NUBPL: variants seen among roughly 807,000 people sequenced by gnomAD.
The protein encoded by NUBPL is NUBP iron-sulfur cluster assembly factor, mitochondrial.
Under a neutral mutation model 45.7 loss-of-function variants are expected in NUBPL, and 31 were observed. The observed-to-expected ratio is 0.68, with a 90% CI of 0.51 to 0.92. NUBPL has a LOEUF of 0.92. Among genes scored for constraint, NUBPL ranks in the 40% least tolerant of loss-of-function variants. NUBPL has a pLI of 0.00. For missense variants in NUBPL, 401 were observed against 398.7 expected (o/e 1.01, Z -0.05); for synonymous variants, 144 against 140.9 (o/e 1.02, Z -0.15).
intron 3 of NUBPL, among the ~76,000 whole-genome samples, chr14:31,597,962 A>G (rs901203422): frequency 6.6e-6 from 1 of 152,024 alleles, no homozygotes; most frequent in Admixed American, 6.6e-5. Flanking sequence ...AAAATAGTTA[A>G]ATTGGTCAAA....
chr14:31,752,780 T>TA (rs2038560893), intron 6 of NUBPL, among the ~76,000 whole-genome samples: 2 of 152,206 alleles, frequency 1.3e-5, no homozygotes, highest in Admixed American at 6.5e-5. Flanking sequence ...TTCATACTGC[T>TA]AAAAAGAACT....
intron 3 of NUBPL, among the ~76,000 whole-genome samples, chr14:31,593,489 G>T (rs1485741525): frequency 6.9e-6 from 1 of 144,772 alleles, no homozygotes; most frequent in Non-Finnish European, 1.5e-5. Flanking sequence ...ACTCCAGCCT[G>T]GGCGACAGAG....
At chr14:31,728,043 C>T (rs1302555198) in intron 6 of NUBPL, among the ~76,000 whole-genome samples, 4 of 152,054 alleles carry the variant, frequency 2.6e-5, no homozygotes, top group Non-Finnish European at 5.9e-5. Flanking sequence ...GAGTTTCTGA[C>T]TTGTCTGTTT....
intron 4 of NUBPL, among the ~76,000 whole-genome samples, chr14:31,625,598 C>T (rs189892480): frequency 6.6e-6 from 1 of 151,696 alleles, no homozygotes; most frequent in Non-Finnish European, 1.5e-5. Context: ...GCCTCAGCCT[C>T]CTGAGTAGCT....
intron 3 of NUBPL, among the ~76,000 whole-genome samples, chr14:31,583,544 G>T (rs1482091511): frequency 1.3e-5 from 2 of 152,196 alleles, no homozygotes; most frequent in Non-Finnish European, 2.9e-5. Context: ...TGAGGATTGA[G>T]AGAAGACTTC....
Position 31,774,241 on chromosome 14 carries a change from A to G in NUBPL, c.514-13539A>G, listed in dbSNP as rs146447257. ...AATAGAATGGCTGGGATATTCTGCCATTGCTTTGGAGAAGTGTAAGTTGAC... is the reference window on the plus strand; with the variant it reads ...AATAGAATGGCTGGGATATTCTGCCGTTGCTTTGGAGAAGTGTAAGTTGAC... On this transcript the variant is annotated intron_variant, in intron 6 of 10. Coordinates refer to ENST00000281081, the MANE Select transcript of NUBPL (RefSeq NM_025152.3). Among the ~76,000 whole-genome samples the G allele has an allele frequency of 6.5e-3, 995 of 152,278 alleles. 12 individuals are homozygous for G. Among genetic ancestry groups the G allele is most frequent in the African/African-American group, 0.022 (932 of 41,570 alleles).
At chr14:31,851,212 C>CT (rs1229847527) in intron 10 of NUBPL, among the ~76,000 whole-genome samples, 1 of 151,008 alleles carries the variant, frequency 6.6e-6, no homozygotes, top group Non-Finnish European at 1.5e-5. Flanking sequence ...TGAACAGCCC[C>CT]AATCAATCTT....
At chr14:31,596,089 G>T (rs1238005009) in intron 3 of NUBPL, among the ~76,000 whole-genome samples, 1 of 151,878 alleles carries the variant, frequency 6.6e-6, no homozygotes, top group East Asian at 1.9e-4. Context: ...TGTATTTTTA[G>T]TAGAGACGGG....
At chr14:31,654,634 C>T (rs2036098388) in intron 4 of NUBPL, among the ~76,000 whole-genome samples, 1 of 152,132 alleles carries the variant, frequency 6.6e-6, no homozygotes. Context: ...TGGTCTCAAT[C>T]TCCTGACCTC....
chr14:31,743,469 G>A (rs112345872), intron 6 of NUBPL, among the ~76,000 whole-genome samples: 7,355 of 151,942 alleles, frequency 0.048, 234 homozygotes, highest in African/African-American at 0.069. Flanking sequence ...AACCTCCACC[G>A]CCTGGGTTCA....
chr14:31,802,282 CTTCT>C lies in NUBPL; in HGVS notation c.607+14412_607+14415del, dbSNP rs1304025483. On this transcript the variant is annotated intron_variant, in intron 7 of 10. Coordinates refer to ENST00000281081, the MANE Select transcript of NUBPL (RefSeq NM_025152.3). The stretch of plus-strand genomic sequence containing the variant: ...TTTACTTGCCCTTCTTCTTCTTCTT[CTTCT>C]TTTTTTTTTTGACAGAGTCTTGCTC... Among the ~76,000 whole-genome samples the C allele has an allele frequency of 2.0e-3, 39 of 19,748 alleles. 1 individual carries two copies. In the South Asian group the frequency reaches 0.031, roughly 16 times the overall value. 13.0% of individuals were successfully genotyped at this position (19,748 alleles called of 152,430 possible).
rs190848367 is a variant in NUBPL at position 31,728,349 on chromosome 14, G to A, written c.513+54775G>A. The stretch of plus-strand genomic sequence containing the variant: ...ATTGTTAAAATAGAGACAAGATCTC[G>A]CTACATTTCCCAAGATGGTCTCCAT... On this transcript the variant is annotated intron_variant, in intron 6 of 10. Coordinates refer to ENST00000281081, the MANE Select transcript of NUBPL (RefSeq NM_025152.3). 1.5e-3 allele frequency among the ~76,000 whole-genome samples: 224 copies of A among 151,998 alleles called. 1 individual carries two copies. Among genetic ancestry groups the A allele is most frequent in the Non-Finnish European group, 2.5e-3 (170 of 67,972 alleles).
chr14:31,777,419 T>A (rs182200591), intron 6 of NUBPL, among the ~76,000 whole-genome samples: 2 of 152,342 alleles, frequency 1.3e-5, no homozygotes, highest in Admixed American at 1.3e-4. Flanking sequence ...AACCAAAGTC[T>A]CTTGGGTTAA....
At chr14:31,759,475 G>C (rs1376881066) in intron 6 of NUBPL, among the ~76,000 whole-genome samples, 1 of 151,950 alleles carries the variant, frequency 6.6e-6, no homozygotes, top group Non-Finnish European at 1.5e-5. Flanking sequence ...TATAGAACAT[G>C]ATGTTTTAAT....
intron 4 of NUBPL, among the ~76,000 whole-genome samples, chr14:31,656,866 G>T (rs1332786938): frequency 6.6e-6 from 1 of 152,144 alleles, no homozygotes; most frequent in African/African-American, 2.4e-5. Context: ...CCTTTGATTT[G>T]TAAAAAATGC....
At chr14:31,843,782 T>G (rs1283892696) in intron 8 of NUBPL, 1 of 152,242 alleles carries the variant, frequency 6.6e-6, no homozygotes, top group East Asian at 1.9e-4. Context: ...AAGGAAGCCC[T>G]CTCTGACTCC....
chr14:31,725,462 A>C (rs1033592188), intron 6 of NUBPL, among the ~76,000 whole-genome samples: 3 of 152,214 alleles, frequency 2.0e-5, no homozygotes, highest in Admixed American at 1.3e-4. Flanking sequence ...GAATACTTTC[A>C]TATACATAAT....
intron 7 of NUBPL, among the ~76,000 whole-genome samples, chr14:31,811,114 AG>A (rs1473656604): frequency 6.6e-6 from 1 of 152,004 alleles, no homozygotes; most frequent in African/African-American, 2.4e-5. Context: ...GCTCTTTTCA[AG>A]GAGTATATTT....
intron 6 of NUBPL, among the ~76,000 whole-genome samples, chr14:31,744,062 T>C (rs1043898862): frequency 1.3e-5 from 2 of 151,842 alleles, no homozygotes; most frequent in Non-Finnish European, 2.9e-5. Context: ...AGCATCTAGA[T>C]AGGGAAAGGA....
Sources: allele counts gnomAD v4.1 joint callset (sites outside exome capture counted in the v4.1 genomes callset), GRCh38; gene constraint gnomAD v4.1.1; transcripts MANE v1.5; gene names NCBI Gene and HGNC (gene_info 2026-07-23, HGNC 2026-07-21).